Variants in ADAMTS12 observed in about 807,000 individuals in gnomAD.
The protein encoded by ADAMTS12 is ADAM metallopeptidase with thrombospondin type 1 motif 12.
Under a neutral mutation model 167.8 loss-of-function variants are expected in ADAMTS12, and 118 were observed. The observed-to-expected ratio is 0.70, with a 90% CI of 0.61 to 0.82. The LOEUF (loss-of-function observed/expected upper bound fraction) is 0.82. ADAMTS12 is among the 40% of genes least tolerant of loss of function. The probability of loss-of-function intolerance (pLI) is 0.00; values close to 1 mark genes in which losing one functional copy is unlikely to be tolerated. For synonymous variants in ADAMTS12, 704 were observed against 716.9 expected, an observed-to-expected ratio of 0.98 and a Z score of 0.29; for missense variants, 1,916 against 1,998.8, an observed-to-expected ratio of 0.96 and a Z score of 0.79.
intron 2 of ADAMTS12, among the ~76,000 whole-genome samples, chr5:33,828,641 G>A (rs1243249814): frequency 1.3e-5 from 2 of 151,902 alleles, no homozygotes; most frequent in East Asian, 3.9e-4. Flanking sequence ...ATCCACCTAG[G>A]GTCCATATTT....
intron 2 of ADAMTS12, among the ~76,000 whole-genome samples, chr5:33,842,821 T>C (rs1748793860): frequency 6.6e-6 from 1 of 152,120 alleles, no homozygotes; most frequent in Non-Finnish European, 1.5e-5. Context: ...CGAACACACA[T>C]TCAGAAAGCT....
intron 3 of ADAMTS12, chr5:33,751,098 A>T (rs78790832): frequency 0.13 from 59,516 of 444,212 alleles, 5,394 homozygotes; most frequent in East Asian, 0.36. Flanking sequence ...AGAGTTTTTT[A>T]AAAAAAATTC....
chr5:33,775,859 G>A (rs1230370666), intron 2 of ADAMTS12, among the ~76,000 whole-genome samples: 2 of 152,174 alleles, frequency 1.3e-5, no homozygotes, highest in African/African-American at 4.8e-5. Flanking sequence ...CCTTTGTGGA[G>A]GTGATTCGGT....
chr5:33,566,836 G>A (rs143957392), intron 19 of ADAMTS12, among the ~76,000 whole-genome samples: 38 of 152,330 alleles, frequency 2.5e-4, no homozygotes, highest in African/African-American at 8.2e-4. Flanking sequence ...GAAGTGATTT[G>A]TTCCACTTCA....
At chr5:33,876,562 T>C (rs1377871781) in intron 2 of ADAMTS12, among the ~76,000 whole-genome samples, 1 of 151,434 alleles carries the variant, frequency 6.6e-6, no homozygotes, top group Non-Finnish European at 1.5e-5. Flanking sequence ...CAGACATCCA[T>C]AGGCAAACAA....
chr5:33,542,800 G>A (rs948571582), intron 22 of ADAMTS12, among the ~76,000 whole-genome samples: 11 of 152,172 alleles, frequency 7.2e-5, no homozygotes, highest in South Asian at 2.1e-4. Context: ...AAATAAAGGC[G>A]TTCTTTGAAA....
intron 19 of ADAMTS12, among the ~76,000 whole-genome samples, chr5:33,569,917 GA>G (rs751927265): frequency 3.5e-4 from 53 of 152,262 alleles, no homozygotes; most frequent in Non-Finnish European, 5.9e-4. Context: ...TGATGGAGCT[GA>G]AAGCCAAGGC....
intron 2 of ADAMTS12, among the ~76,000 whole-genome samples, chr5:33,840,490 T>C (rs1324949522): frequency 1.3e-5 from 2 of 152,222 alleles, no homozygotes; most frequent in Non-Finnish European, 2.9e-5. Context: ...GCAACTCACC[T>C]AAGTTCCCTG....
At chr5:33,768,154 G>C in intron 2 of ADAMTS12, among the ~76,000 whole-genome samples, 1 of 152,228 alleles carries the variant, frequency 6.6e-6, no homozygotes, top group East Asian at 1.9e-4. Flanking sequence ...GGCCATTCAG[G>C]AGGTCTCCAT....
At chr5:33,658,057 G>T in intron 7 of ADAMTS12, 127 bp downstream of exon 7, 5 of 1,186,892 alleles carry the variant, frequency 4.2e-6, no homozygotes, top group South Asian at 1.5e-5. Context: ...TGAGGAGGGT[G>T]AGTCACAAGC....
intron 2 of ADAMTS12, among the ~76,000 whole-genome samples, chr5:33,780,100 G>GT (rs1746070981): frequency 6.6e-6 from 1 of 152,116 alleles, no homozygotes; most frequent in Non-Finnish European, 1.5e-5. Context: ...TATATACAAT[G>GT]TTTATTTGTC....
chr5:33,684,918 C>T (rs780632371), intron 3 of ADAMTS12, among the ~76,000 whole-genome samples: 5 of 152,138 alleles, frequency 3.3e-5, no homozygotes, highest in Admixed American at 6.5e-5. Context: ...AACACCAAAA[C>T]GAATAAAAGG....
intron 3 of ADAMTS12, among the ~76,000 whole-genome samples, chr5:33,692,831 A>AT (rs1742598626): frequency 6.6e-6 from 1 of 152,228 alleles, no homozygotes; most frequent in Admixed American, 6.5e-5. Flanking sequence ...CAAAAATAGT[A>AT]TTTTCAGAGA....
At chr5:33,619,228 C>T (rs191784486) in intron 14 of ADAMTS12, among the ~76,000 whole-genome samples, 1 of 152,174 alleles carries the variant, frequency 6.6e-6, no homozygotes, top group African/African-American at 2.4e-5. Flanking sequence ...CTTGTACAAC[C>T]AAAAGACTGG....
At chr5:33,780,805 G>C (rs564419932) in intron 2 of ADAMTS12, among the ~76,000 whole-genome samples, 1 of 152,022 alleles carries the variant, frequency 6.6e-6, no homozygotes, top group African/African-American at 2.4e-5. Context: ...TAGCTCTCTC[G>C]TAAGAAGAGT....
At chr5:33,685,067 A>G (rs1313667088) in intron 3 of ADAMTS12, among the ~76,000 whole-genome samples, 1 of 152,228 alleles carries the variant, frequency 6.6e-6, no homozygotes, top group Non-Finnish European at 1.5e-5. Context: ...CTGGGCTGAT[A>G]CAGGGCAGCG....
chr5:33,686,366 G>T (rs1742323986), intron 3 of ADAMTS12, among the ~76,000 whole-genome samples: 1 of 152,134 alleles, frequency 6.6e-6, no homozygotes, highest in East Asian at 1.9e-4. Context: ...CCCACCCTCA[G>T]ATATCTACCG....
intron 2 of ADAMTS12, among the ~76,000 whole-genome samples, chr5:33,795,326 T>C (rs912648458): frequency 1.3e-5 from 2 of 152,100 alleles, no homozygotes; most frequent in African/African-American, 4.8e-5. Context: ...CCAACCCAGA[T>C]AGAAATCCCT....
rs560886169 is a variant in ADAMTS12 at position 33,763,237 on chromosome 5, A to C, written c.490-11689T>G. ...AGATGTGATTACATTAAAAATCTTG[A>C]GATGGGGAAACTGTCCTGCACCATC... On this transcript the variant is annotated intron_variant, in intron 2 of 23. Coordinates refer to ENST00000504830, the MANE Select transcript of ADAMTS12 (RefSeq NM_030955.4). Among the ~76,000 whole-genome samples the C allele has an allele frequency of 2.0e-5, 3 of 152,256 alleles. No individual in the cohort carries two copies. In the South Asian group the frequency reaches 6.2e-4, roughly 32 times the overall value.
Sources: gnomAD v4.1 joint callset for allele counts (sites outside exome capture counted in the v4.1 genomes callset) on GRCh38, gnomAD v4.1.1 for gene constraint, MANE v1.5 for transcripts, NCBI Gene and HGNC (gene_info 2026-07-23, HGNC 2026-07-21) for gene names.